CCN6: variants seen among roughly 807,000 people sequenced by gnomAD.
The protein encoded by CCN6 is CCN family member 6.
Under a neutral mutation model 37.4 loss-of-function variants are expected in CCN6, and 31 were observed. The ratio of observed to expected loss-of-function variants is 0.83; its 90% CI spans 0.62 to 1.12. CCN6 has a LOEUF of 1.12. Ranked by LOEUF, CCN6 falls within the 50% of genes most tolerant of loss-of-function variation. The probability of loss-of-function intolerance (pLI) is 0.00; values close to 1 mark genes in which losing one functional copy is unlikely to be tolerated. For synonymous variants in CCN6, 137 were observed against 142.1 expected (o/e 0.96, Z 0.26); for missense variants, 369 against 413.8 (o/e 0.89, Z 0.94).
intron 1 of CCN6, chr6:112,059,980 A>G (rs1190439858): frequency 7.4e-7 from 1 of 1,358,562 alleles, no homozygotes; most frequent in Admixed American, 2.0e-5. Context: ...GAGAAATTTG[A>G]GCACAGACCT....
chr6:112,054,647 G>A (rs778119786), intron 1 of CCN6: 2 of 516,448 alleles, frequency 3.9e-6, no homozygotes, highest in Non-Finnish European at 7.0e-6. Context: ...GCCTCCTTTC[G>A]CTATGTTTGA....
chr6:112,065,353 T>C (rs1554313713), intron 3 of CCN6, among the ~76,000 whole-genome samples: 1 of 152,198 alleles, frequency 6.6e-6, no homozygotes, highest in African/African-American at 2.4e-5. Flanking sequence ...ATTGTTCTAT[T>C]ATGGGCAAGA....
rs1776504420 is a variant in CCN6, at chr6:112,061,102, T to A, written c.160T>A (p.Cys54Ser). 6.2e-7 allele frequency: 1 copy of A among 1,614,164 alleles called. No individual in the cohort carries two copies. The highest frequency in any genetic ancestry group is 8.5e-7 in the Non-Finnish European group (1 of 1,180,016). The change falls in exon 2 of 5, where the codon TGC (cysteine) becomes AGC (serine). Residue 54 changes from cysteine (C) to serine (S), a missense_variant. Transcript: ENST00000368666. ...ACAGTTTTGTCACTGGCCCTGCAAA[T>A]GCCCTCAGCAGAAGCCCCGTTGCCC... is the stretch of plus-strand genomic sequence containing the variant. ...RKQFCHWPCK[C>S]PQQKPRCPPG... is the part of the protein sequence containing the mutation.
intron 1 of CCN6, chr6:112,059,996 G>T (rs1265678444): frequency 7.3e-7 from 1 of 1,363,388 alleles, no homozygotes; most frequent in Non-Finnish European, 9.8e-7. Flanking sequence ...GACCTAAAGA[G>T]AGTAAAAGAG....
rs587724712 is a variant in CCN6 at position 112,063,488 on chromosome 6, A to G, written c.347-1267A>G. Among the ~76,000 whole-genome samples, 6 of 152,330 alleles carry G rather than the reference A, an allele frequency of 3.9e-5. No homozygotes were observed. In the South Asian group the frequency reaches 1.0e-3, roughly 26 times the overall value. ...AAAATATGTTTACTGTGTTGTAGAGATGTTCAAAATATTGATACACTTAAT... is the reference window on the plus strand; with the variant it reads ...AAAATATGTTTACTGTGTTGTAGAGGTGTTCAAAATATTGATACACTTAAT... On this transcript the variant is annotated intron_variant, in intron 2 of 4. Transcript: ENST00000368666.
intron 2 of CCN6, 179 bp downstream of exon 2, chr6:112,061,467 T>C (rs1776520622): frequency 1.4e-6 from 1 of 733,256 alleles, no homozygotes; most frequent in African/African-American, 1.8e-5. Context: ...TAGCAGATGC[T>C]TACACACATT....
At position 112,059,956 on chromosome 6, in the gene CCN6, A is replaced by G. The variant is rs1776461559; in HGVS notation, c.49-1035A>G. On this transcript the variant is annotated intron_variant, in intron 1 of 4. Coordinates refer to ENST00000368666, the MANE Select transcript of CCN6 (RefSeq NM_198239.2). ...GGTGCCCTTTCACAAAGAGTGGTCA[A>G]AGAGGGCCTCACTGAGAAATTTGAG... 12 of 1,344,196 alleles carry G rather than the reference A, an allele frequency of 8.9e-6. No homozygotes were observed. In the South Asian group the frequency reaches 1.4e-4, roughly 16 times the overall value. 83.3% of individuals were successfully genotyped at this position (1,344,196 alleles called of 1,614,324 possible).
At chr6:112,066,077 C>T (rs902921483) in intron 3 of CCN6, among the ~76,000 whole-genome samples, 1 of 152,048 alleles carries the variant, frequency 6.6e-6, no homozygotes, top group African/African-American at 2.4e-5. Flanking sequence ...CAACTATAAG[C>T]AGAGAAATGA....
At chr6:112,065,783 T>C (rs1204599544) in intron 3 of CCN6, among the ~76,000 whole-genome samples, 1 of 152,188 alleles carries the variant, frequency 6.6e-6, no homozygotes, top group Non-Finnish European at 1.5e-5. Context: ...CTTATAAACC[T>C]TGTATTCTGG....
At chr6:112,067,913 T>A (rs371074067) in intron 3 of CCN6, among the ~76,000 whole-genome samples, 19 of 152,098 alleles carry the variant, frequency 1.2e-4, no homozygotes, top group African/African-American at 4.3e-4. Flanking sequence ...GGTTTAGTAT[T>A]CAGAGGACAG....
In CCN6 at chr6:112,061,223, C is replaced by T. The variant is rs1554312798; in HGVS notation, c.281C>T (p.Pro94Leu). ...EICNEADLCD[P>L]HKGLYCDYSV... ...TGCAATGAAGCTGACCTCTGTGACC[C>T]ACACAAAGGGCTGTATTGTGACTAC... Residue 94 changes from proline (P) to leucine (L), a missense_variant, in exon 2 of 5, where the codon CCA becomes CTA. Coordinates refer to ENST00000368666, the MANE Select transcript of CCN6 (RefSeq NM_198239.2). 1.9e-6 allele frequency: 3 copies of T among 1,614,006 alleles called. No homozygotes were observed. In the African/African-American group the frequency reaches 4.0e-5, roughly 22 times the overall value.
At chr6:112,064,059 A>C (rs1456402618) in intron 2 of CCN6, among the ~76,000 whole-genome samples, 1 of 152,218 alleles carries the variant, frequency 6.6e-6, no homozygotes, top group Non-Finnish European at 1.5e-5. Context: ...GGAAAAATAC[A>C]AGATTACCTC....
At chr6:112,065,787 A>G (rs1349219290) in intron 3 of CCN6, among the ~76,000 whole-genome samples, 2 of 152,172 alleles carry the variant, frequency 1.3e-5, no homozygotes, top group African/African-American at 2.4e-5. Flanking sequence ...TAAACCTTGT[A>G]TTCTGGTCTG....
chr6:112,056,053 C>T (rs1325123978), intron 1 of CCN6, among the ~76,000 whole-genome samples: 3 of 152,142 alleles, frequency 2.0e-5, no homozygotes, highest in African/African-American at 7.2e-5. Context: ...TTCTATTGCA[C>T]CATTCTAGTG....
intron 2 of CCN6, among the ~76,000 whole-genome samples, chr6:112,063,717 A>G (rs1429160045): frequency 3.3e-5 from 5 of 152,208 alleles, no homozygotes; most frequent in Non-Finnish European, 7.3e-5. Flanking sequence ...ATCTTCAAAA[A>G]AAATTTCCAA....
At chr6:112,058,007 C>T (rs1260834935) in intron 1 of CCN6, among the ~76,000 whole-genome samples, 1 of 152,138 alleles carries the variant, frequency 6.6e-6, no homozygotes, top group East Asian at 1.9e-4. Context: ...GGCCACTGAA[C>T]CTGGCATCCT....
chr6:112,056,858 GT>G lies in CCN6; in HGVS notation c.48+2462del, dbSNP rs1249328749. Among the ~76,000 whole-genome samples, 268 of 150,102 alleles carry G rather than the reference GT, an allele frequency of 1.8e-3. 2 individuals carry two copies. Among genetic ancestry groups the G allele is most frequent in the African/African-American group, 6.4e-3 (260 of 40,874 alleles). ...CCATATAATTCTGGGTTGACAGGTT[GT>G]TTTTTTTTCCTTTCAACATTGTCTT... On this transcript the variant is annotated intron_variant, in intron 1 of 4. Transcript: ENST00000368666.
At chr6:112,066,998 G>A (rs1776715948) in intron 3 of CCN6, 1 of 1,366,084 alleles carries the variant, frequency 7.3e-7, no homozygotes, top group Non-Finnish European at 9.8e-7. Flanking sequence ...TCTGCTTCCT[G>A]CATTGAGGTC....
intron 2 of CCN6, among the ~76,000 whole-genome samples, chr6:112,061,766 T>C (rs1776530973): frequency 6.6e-6 from 1 of 152,150 alleles, no homozygotes; most frequent in East Asian, 1.9e-4. Context: ...TTCAGCAGAT[T>C]TGTAAAAAAA....
Sources: gnomAD v4.1 joint callset for allele counts (sites outside exome capture counted in the v4.1 genomes callset) on GRCh38, gnomAD v4.1.1 for gene constraint, MANE v1.5 for transcripts, NCBI Gene and HGNC (gene_info 2026-07-23, HGNC 2026-07-21) for gene names.